KCNMB2: variants seen among roughly 807,000 people sequenced by gnomAD.
The protein encoded by KCNMB2 is potassium calcium-activated channel subfamily M regulatory beta subunit 2, also known as calcium-activated potassium channel subunit beta-2.
KCNMB2 carries 9 observed loss-of-function variants against 24.5 expected under a neutral mutation model. That is an observed-to-expected ratio of 0.37 (90% CI 0.22 to 0.64). The LOEUF is 0.64. KCNMB2 is among the 30% of genes least tolerant of loss of function. KCNMB2 has a pLI of 0.63. For synonymous variants in KCNMB2, 109 were observed against 104.4 expected (o/e 1.04, Z -0.27); for missense variants, 226 against 284.3 (o/e 0.79, Z 1.47).
intron 1 of KCNMB2, among the ~76,000 whole-genome samples, chr3:178,542,365 G>A (rs1369916675): frequency 6.6e-6 from 1 of 152,094 alleles, no homozygotes; most frequent in African/African-American, 2.4e-5. Flanking sequence ...TTTCCCATTA[G>A]AGTAACTGGA....
chr3:178,662,400 G>A (rs1439699258), intron 1 of KCNMB2, among the ~76,000 whole-genome samples: 3 of 152,074 alleles, frequency 2.0e-5, no homozygotes, highest in Non-Finnish European at 4.4e-5. Flanking sequence ...GTAGCTTAGA[G>A]ACACATAAAA....
chr3:178,738,883 T>A (rs1403439623), intron 1 of KCNMB2, among the ~76,000 whole-genome samples: 1 of 152,148 alleles, frequency 6.6e-6, no homozygotes, highest in Non-Finnish European at 1.5e-5. Context: ...GTAAGTCTAA[T>A]GAAGTCAGAG....
chr3:178,748,449 T>C (rs374419766), intron 1 of KCNMB2: 1 of 152,084 alleles, frequency 6.6e-6, no homozygotes, highest in Non-Finnish European at 1.5e-5. Flanking sequence ...GCCACTGGAG[T>C]GTTGGAGAAA....
intron 2 of KCNMB2, chr3:178,820,774 GAT>G (rs1423809082): frequency 1.3e-5 from 2 of 152,312 alleles, no homozygotes; most frequent in African/African-American, 4.8e-5. Context: ...TTGTTTACAA[GAT>G]ATTTATCACA....
chr3:178,553,267 C>T (rs1354922470), intron 1 of KCNMB2, among the ~76,000 whole-genome samples: 2 of 152,130 alleles, frequency 1.3e-5, no homozygotes, highest in African/African-American at 4.8e-5. Flanking sequence ...CAATCTGGCA[C>T]CATGCTAGAA....
chr3:178,776,693 C>T (rs1712592955), intron 1 of KCNMB2, among the ~76,000 whole-genome samples: 1 of 152,162 alleles, frequency 6.6e-6, no homozygotes, highest in African/African-American at 2.4e-5. Flanking sequence ...ACGACCCTCC[C>T]AGCCAGGAAT....
chr3:178,792,758 CAGA>C (rs1713374140), intron 1 of KCNMB2, among the ~76,000 whole-genome samples: 1 of 152,288 alleles, frequency 6.6e-6, no homozygotes, highest in East Asian at 1.9e-4. Context: ...CAAAAAAGAG[CAGA>C]AGTAGCTATT....
chr3:178,587,689 G>A (rs534681151), intron 1 of KCNMB2, among the ~76,000 whole-genome samples: 5 of 148,402 alleles, frequency 3.4e-5, no homozygotes, highest in African/African-American at 5.0e-5. Flanking sequence ...CAGGTGATCC[G>A]CCCACCTCGG....
At chr3:178,568,890 AGATAGATAGATG>A (rs869155335) in intron 1 of KCNMB2, among the ~76,000 whole-genome samples, 10,993 of 147,358 alleles carry the variant, frequency 0.075, 514 homozygotes, top group Middle Eastern at 0.12. Flanking sequence ...ATAGATAGAT[AGATAGATAGATG>A]GATAGATAGA....
chr3:178,583,015 G>T (rs1256089539), intron 1 of KCNMB2, among the ~76,000 whole-genome samples: 1 of 152,136 alleles, frequency 6.6e-6, no homozygotes, highest in South Asian at 2.1e-4. Flanking sequence ...CAATGATATT[G>T]GTTCTCTTTA....
At chr3:178,789,908 A>G (rs1424139398) in intron 1 of KCNMB2, among the ~76,000 whole-genome samples, 2 of 151,974 alleles carry the variant, frequency 1.3e-5, no homozygotes, top group Admixed American at 1.3e-4. Context: ...TGCACAACCC[A>G]GGGAGACACC....
intron 1 of KCNMB2, among the ~76,000 whole-genome samples, chr3:178,681,865 C>T (rs1721282477): frequency 6.6e-6 from 1 of 152,136 alleles, no homozygotes; most frequent in Admixed American, 6.5e-5. Context: ...TTATAGTGGA[C>T]TTATGGAATG....
In KCNMB2 at chr3:178,536,614, G is replaced by C. The variant is rs1715420493; in HGVS notation, c.-165G>C. 1 of 152,210 alleles carries C rather than the reference G, an allele frequency of 6.6e-6. No homozygotes were observed. The highest frequency in any genetic ancestry group is 1.5e-5 in the Non-Finnish European group (1 of 68,040). The allele number at this position is 152,210 out of a possible 1,614,324, so 9.4% of individuals were successfully genotyped here. On this transcript the variant is annotated 5_prime_UTR_variant, in exon 1 of 5. Transcript: ENST00000452583. ...TCCACAAAGGCTTTAGGCACAAGAG[G>C]TAATGATGATTACCGGTGGCTATTT...
At chr3:178,606,400 G>C (rs777257808) in intron 1 of KCNMB2, among the ~76,000 whole-genome samples, 8 of 151,956 alleles carry the variant, frequency 5.3e-5, no homozygotes, top group Non-Finnish European at 1.0e-4. Context: ...TTCTGCAGCT[G>C]TAAGACCTCA....
At chr3:178,680,312 C>A (rs567551452) in intron 1 of KCNMB2, among the ~76,000 whole-genome samples, 7 of 152,300 alleles carry the variant, frequency 4.6e-5, no homozygotes, top group African/African-American at 1.4e-4. Flanking sequence ...GAGGTCTCTT[C>A]AGGGCCTGTC....
Position 178,656,736 on chromosome 3 carries a change from C to A in KCNMB2, c.-68+120025C>A, listed in dbSNP as rs1720357918. 2.6e-5 allele frequency among the ~76,000 whole-genome samples: 4 copies of A among 152,056 alleles called. No individual in the cohort carries two copies. The South Asian group carries it at 8.3e-4, about 32-fold the overall frequency. ...GCAGTGAGCCGAGATCGCGCCACTG[C>A]CCTACAGTCTTATCAACAAAACGAG... On this transcript the variant is annotated intron_variant, in intron 1 of 4. Coordinates refer to ENST00000452583, the MANE Select transcript of KCNMB2 (RefSeq NM_181361.3).
At chr3:178,621,770 T>C (rs1042505731) in intron 1 of KCNMB2, among the ~76,000 whole-genome samples, 11 of 152,228 alleles carry the variant, frequency 7.2e-5, no homozygotes, top group African/African-American at 2.7e-4. Context: ...AAGTAGACAT[T>C]AGTATTATCC....
At chr3:178,778,933 C>A (rs1379411008) in intron 1 of KCNMB2, among the ~76,000 whole-genome samples, 1 of 148,152 alleles carries the variant, frequency 6.7e-6, no homozygotes, top group Non-Finnish European at 1.5e-5. Context: ...GTCCATACTG[C>A]AGCCTGACCT....
At chr3:178,576,447 AT>A (rs71628066) in intron 1 of KCNMB2, among the ~76,000 whole-genome samples, 1 of 152,068 alleles carries the variant, frequency 6.6e-6, no homozygotes, top group African/African-American at 2.4e-5. Flanking sequence ...AGCTGCAGGA[AT>A]TTTTTTTCAT....
Sources: allele counts gnomAD v4.1 joint callset (sites outside exome capture counted in the v4.1 genomes callset), GRCh38; gene constraint gnomAD v4.1.1; transcripts MANE v1.5; gene names NCBI Gene and HGNC (gene_info 2026-07-23, HGNC 2026-07-21).